The following DOCK5 variants were observed in gnomAD, a reference collection of about 807,000 sequenced individuals.
DOCK5 encodes the protein dedicator of cytokinesis protein 5.
DOCK5 carries 142 observed loss-of-function variants against 251.8 expected under a neutral mutation model. The observed-to-expected ratio is 0.56, with a 90% CI of 0.49 to 0.65. DOCK5 has a LOEUF of 0.65. Ranked by LOEUF, DOCK5 falls within the 30% of genes least tolerant of loss-of-function variation. The pLI is 0.00. For synonymous variants in DOCK5, 842 were observed against 835.5 expected (o/e 1.01, Z -0.13); for missense variants, 2,111 against 2,312.3 (o/e 0.91, Z 1.79).
At position 25,325,519 on chromosome 8, in the gene DOCK5, C is replaced by T; in HGVS notation, c.1875C>T (p.Leu625=). ...AAGACAGCTTTCAGATTGCCACCCT[C>T]ATCTGCTCCACAAAGCTCACCCAGA... The part of the protein sequence containing the change: ...STKDSFQIAT[L]ICSTKLTQNV... The change falls in exon 18 of 52, where the codon CTC becomes CTT. Residue 625 remains leucine (L), a synonymous_variant. Transcript: ENST00000276440. 3.1e-6 allele frequency: 5 copies of T among 1,613,754 alleles called. No homozygotes were observed. The highest frequency in any genetic ancestry group is 4.2e-6 in the Non-Finnish European group (5 of 1,179,712).
intron 27 of DOCK5, among the ~76,000 whole-genome samples, chr8:25,354,999 TGAGGCA>T (rs1265032010): frequency 6.6e-6 from 1 of 152,154 alleles, no homozygotes; most frequent in Non-Finnish European, 1.5e-5. Flanking sequence ...TTTGGGAGGC[TGAGGCA>T]GGAGTATTGC....
At chr8:25,232,096 T>G (rs1229368391) in intron 1 of DOCK5, among the ~76,000 whole-genome samples, 1 of 152,228 alleles carries the variant, frequency 6.6e-6, no homozygotes, top group East Asian at 1.9e-4. Flanking sequence ...ATGATTTGCA[T>G]CCTTTTAAAT....
chr8:25,371,131 GTC>G (rs1354968682), intron 34 of DOCK5, among the ~76,000 whole-genome samples: 1 of 146,906 alleles, frequency 6.8e-6, no homozygotes, highest in African/African-American at 2.5e-5. Flanking sequence ...GTGGATGAGA[GTC>G]TGTGTTTGAG....
At chr8:25,277,704 C>T (rs73560409) in intron 4 of DOCK5, among the ~76,000 whole-genome samples, 44 of 152,310 alleles carry the variant, frequency 2.9e-4, no homozygotes, top group African/African-American at 6.5e-4. Flanking sequence ...GGCACATTCA[C>T]ACCAATTAGG....
In DOCK5 at chr8:25,210,007, A is replaced by ATT. The variant is rs1329053152; in HGVS notation, c.43+25057_43+25058dup. On this transcript the variant is annotated intron_variant, in intron 1 of 51. Transcript: ENST00000276440. Reference sequence around the variant, plus strand: ...AGGCACATGCCACCATCCCCGGCTAATTATATATATATATATATATATATA... The same window carrying ATT: ...AGGCACATGCCACCATCCCCGGCTAATTTTATATATATATATATATATATATA... Among the ~76,000 whole-genome samples the ATT allele has an allele frequency of 4.0e-3, 112 of 27,764 alleles. 21 individuals carry two copies. Among genetic ancestry groups the ATT allele is most frequent in the African/African-American group, 0.011 (106 of 9,322 alleles). 18.2% of individuals were successfully genotyped at this position (27,764 alleles called of 152,430 possible).
Position 25,403,653 on chromosome 8 carries a change from A to G in DOCK5, c.5022A>G (p.Ser1674=). 6.2e-7 allele frequency: 1 copy of G among 1,613,996 alleles called. No individual in the cohort carries two copies. The highest frequency in any genetic ancestry group is 2.2e-5 in the East Asian group (1 of 44,880). The part of the protein sequence containing the change: ...SSTLRRLSIT[S]VTSSVVSTSS... ...CTCTGCGGAGGTTGTCCATCACCTC[A>G]GTCACTTCCTCTGTGGTTTCCACCT... The change falls in exon 48 of 52, where the codon TCA becomes TCG. Residue 1674 remains serine, a synonymous_variant. Coordinates refer to ENST00000276440, the MANE Select transcript of DOCK5 (RefSeq NM_024940.8).
At chr8:25,199,193 C>T (rs780060516) in intron 1 of DOCK5, among the ~76,000 whole-genome samples, 6 of 151,966 alleles carry the variant, frequency 3.9e-5, no homozygotes, top group African/African-American at 1.2e-4. Context: ...GCAAAGTAAA[C>T]GTTTAAGGGG....
chr8:25,337,933 A>G (rs1035947271), intron 22 of DOCK5, among the ~76,000 whole-genome samples: 1 of 152,128 alleles, frequency 6.6e-6, no homozygotes, highest in African/African-American at 2.4e-5. Context: ...TGAGTACAGT[A>G]TGATCTTCCT....
intron 39 of DOCK5, among the ~76,000 whole-genome samples, chr8:25,380,710 T>G (rs2117301083): frequency 6.6e-6 from 1 of 152,336 alleles, no homozygotes; most frequent in South Asian, 2.1e-4. Context: ...TGCAGCTCTC[T>G]CATTCTTCCT....
At chr8:25,329,528 G>T (rs1404996798) in intron 18 of DOCK5, among the ~76,000 whole-genome samples, 1 of 152,046 alleles carries the variant, frequency 6.6e-6, no homozygotes, top group African/African-American at 2.4e-5. Flanking sequence ...CTTTTACTCA[G>T]CATTACTGAA....
rs535554369 is a variant in DOCK5, at chr8:25,379,370, G to C, written c.3937-935G>C. Among the ~76,000 whole-genome samples the C allele has an allele frequency of 9.9e-4, 150 of 152,178 alleles. 3 individuals carry two copies. In the South Asian group the frequency reaches 0.03, roughly 31 times the overall value. On this transcript the variant is annotated intron_variant, in intron 38 of 51. Coordinates refer to ENST00000276440, the MANE Select transcript of DOCK5 (RefSeq NM_024940.8). ...GTCTTAATATTAATATTCCTTGCTA[G>C]GAAAAGAATTTAGTGATATCTCTCC...
intron 3 of DOCK5, among the ~76,000 whole-genome samples, chr8:25,271,497 T>C (rs1464778362): frequency 6.6e-6 from 1 of 152,212 alleles, no homozygotes; most frequent in Non-Finnish European, 1.5e-5. Flanking sequence ...CCCTCATTTC[T>C]CCGTCTTTAA....
Position 25,336,254 on chromosome 8 carries a change from A to C in DOCK5, c.2208A>C (p.Val736=). The part of the protein sequence containing the change: ...ATLAYVKLSK[V]LNFYVANADD... ...TTCTTCTAAGGAAACTCTCCAAGGTACTGAACTTCTATGTGGCTAATGCAG... is the reference window on the plus strand; with the variant it reads ...TTCTTCTAAGGAAACTCTCCAAGGTCCTGAACTTCTATGTGGCTAATGCAG... The change falls in exon 22 of 52, where the codon GTA becomes GTC. Residue 736 remains valine (V), a synonymous_variant. Transcript: ENST00000276440. 1 of 1,613,554 alleles carries C rather than the reference A, an allele frequency of 6.2e-7. No individual in the cohort carries two copies. The highest frequency in any genetic ancestry group is 1.6e-4 in the Middle Eastern group (1 of 6,062).
At position 25,403,070 on chromosome 8, in the gene DOCK5, T is replaced by A. The variant is rs1228836705; in HGVS notation, c.4927-488T>A. Among the ~76,000 whole-genome samples the A allele has an allele frequency of 2.6e-5, 4 of 152,164 alleles. 1 individual carries two copies. Among genetic ancestry groups the A allele is most frequent in the African/African-American group, 9.7e-5 (4 of 41,414 alleles). On this transcript the variant is annotated intron_variant, in intron 47 of 51. Coordinates refer to ENST00000276440, the MANE Select transcript of DOCK5 (RefSeq NM_024940.8). ...AACTTGGCCGGTATTAGTGAGTCAT[T>A]TTCATATGGTGGCATCTGGGGGTAA...
chr8:25,377,163 A>G (rs1800977265), intron 37 of DOCK5, 142 bp from the exon 38 acceptor site: 1 of 1,122,678 alleles, frequency 8.9e-7, no homozygotes, highest in African/African-American at 1.6e-5. Flanking sequence ...GCATGTGTAT[A>G]TGTGTGTATA....
intron 4 of DOCK5, among the ~76,000 whole-genome samples, chr8:25,276,671 CT>C (rs1245444104): frequency 2.6e-5 from 4 of 151,080 alleles, no homozygotes; most frequent in Non-Finnish European, 5.9e-5. Context: ...GTTTTCTTTT[CT>C]TTTTTTAATT....
Position 25,402,885 on chromosome 8 carries a change from G to A in DOCK5, c.4927-673G>A, listed in dbSNP as rs139910455. ...TTTCCTCCAGGGTATCTTTTTGAGC[G>A]TGTCTTTCAGCCATTAAGTGTTCAG... On this transcript the variant is annotated intron_variant, in intron 47 of 51. Coordinates refer to ENST00000276440, the MANE Select transcript of DOCK5 (RefSeq NM_024940.8). Among the ~76,000 whole-genome samples, 526 of 152,204 alleles carry A rather than the reference G, an allele frequency of 3.5e-3. 3 individuals carry two copies. The highest frequency in any genetic ancestry group is 0.028 in the South Asian group (137 of 4,826).
intron 1 of DOCK5, among the ~76,000 whole-genome samples, chr8:25,198,071 G>A (rs1228367828): frequency 6.6e-6 from 1 of 152,174 alleles, no homozygotes; most frequent in Non-Finnish European, 1.5e-5. Context: ...AAAACAGCTT[G>A]AGGGAAGGAA....
chr8:25,190,759 C>G (rs1362157188), intron 1 of DOCK5, among the ~76,000 whole-genome samples: 1 of 138,352 alleles, frequency 7.2e-6, no homozygotes, highest in Non-Finnish European at 1.5e-5. Flanking sequence ...GAAGGCCTGG[C>G]CTTAACTTGG....
Sources: gnomAD v4.1 joint callset for allele counts (sites outside exome capture counted in the v4.1 genomes callset) on GRCh38, gnomAD v4.1.1 for gene constraint, MANE v1.5 for transcripts, NCBI Gene and HGNC (gene_info 2026-07-23, HGNC 2026-07-21) for gene names.